Variants in ALG5 observed in about 807,000 individuals in gnomAD.
ALG5 encodes the protein dolichyl-phosphate beta-glucosyltransferase.
Under a neutral mutation model 51.8 loss-of-function variants are expected in ALG5, and 26 were observed. The observed-to-expected ratio is 0.50, with a 90% confidence interval of 0.37 to 0.70. ALG5 has a LOEUF of 0.70. Ranked by LOEUF, ALG5 falls within the 30% of genes least tolerant of loss-of-function variation. ALG5 has a pLI of 0.00. For missense variants in ALG5, 311 were observed against 399.3 expected (o/e 0.78, Z 1.88); for synonymous variants, 141 against 136.1 (o/e 1.04, Z -0.25).
intron 8 of ALG5, among the ~76,000 whole-genome samples, chr13:36,958,481 ATGGACCCC>A (rs1374690477): frequency 1.3e-5 from 2 of 152,096 alleles, no homozygotes; most frequent in African/African-American, 4.8e-5. Context: ...AAGATCTACC[ATGGACCCC>A]TGGACTGGCC....
At chr13:36,951,872 CCT>C (rs1401504449) in intron 9 of ALG5, among the ~76,000 whole-genome samples, 1 of 152,128 alleles carries the variant, frequency 6.6e-6, no homozygotes, top group African/African-American at 2.4e-5. Context: ...GCAACCTTTG[CCT>C]CTCGGGTTCA....
chr13:36,997,688 C>T (rs1486121839), intron 1 of ALG5, among the ~76,000 whole-genome samples: 1 of 151,956 alleles, frequency 6.6e-6, no homozygotes, highest in Non-Finnish European at 1.5e-5. Context: ...AAATCTGTGA[C>T]CACTTTATTG....
intron 4 of ALG5, among the ~76,000 whole-genome samples, chr13:36,990,675 A>G (rs1054284874): frequency 6.6e-6 from 1 of 152,166 alleles, no homozygotes; most frequent in Non-Finnish European, 1.5e-5. Flanking sequence ...AAACTCCAGA[A>G]TTTCATTCAT....
At chr13:36,952,681 A>C in intron 8 of ALG5, 82 bp from the exon 9 acceptor site, 2 of 760,962 alleles carry the variant, frequency 2.6e-6, no homozygotes, top group Non-Finnish European at 4.0e-6. Flanking sequence ...GTTTTAAAGA[A>C]GCTTACATGG....
intron 8 of ALG5, among the ~76,000 whole-genome samples, chr13:36,963,398 C>G (rs2138788883): frequency 6.6e-6 from 1 of 152,238 alleles, no homozygotes; most frequent in East Asian, 1.9e-4. Flanking sequence ...TATATTTCAA[C>G]AAAAATGAAA....
intron 6 of ALG5, among the ~76,000 whole-genome samples, chr13:36,981,759 A>G (rs578167192): frequency 6.6e-6 from 1 of 152,320 alleles, no homozygotes; most frequent in African/African-American, 2.4e-5. Context: ...TCTTCAGTGG[A>G]AAATTATAAG....
intron 6 of ALG5, among the ~76,000 whole-genome samples, chr13:36,977,782 A>G (rs1255886098): frequency 3.3e-5 from 3 of 92,226 alleles, no homozygotes; most frequent in African/African-American, 1.4e-4. Flanking sequence ...ACAGAGTGAG[A>G]CTGTCTCCAA....
intron 8 of ALG5, among the ~76,000 whole-genome samples, chr13:36,958,819 A>T (rs916454490): frequency 6.6e-6 from 1 of 152,170 alleles, no homozygotes; most frequent in Non-Finnish European, 1.5e-5. Flanking sequence ...CTAAAGCAGG[A>T]GGTAAAGAAA....
At chr13:36,951,822 T>C (rs2058819138) in intron 9 of ALG5, among the ~76,000 whole-genome samples, 2 of 152,338 alleles carry the variant, frequency 1.3e-5, no homozygotes, top group South Asian at 4.1e-4. Context: ...GTTTCACTCG[T>C]TGCCCAGGCG....
intron 7 of ALG5, among the ~76,000 whole-genome samples, chr13:36,971,127 C>G (rs2058920902): frequency 1.3e-5 from 2 of 152,080 alleles, no homozygotes; most frequent in Non-Finnish European, 2.9e-5. Flanking sequence ...AATTGTTACT[C>G]TAGTTTTTCT....
chr13:36,963,409 G>C (rs1007265610), intron 8 of ALG5, among the ~76,000 whole-genome samples: 6 of 152,112 alleles, frequency 3.9e-5, no homozygotes, highest in Admixed American at 3.9e-4. Context: ...AAAAATGAAA[G>C]ATCCTCAACA....
chr13:36,995,587 C>T lies in ALG5; in HGVS notation c.76G>A (p.Val26Ile), dbSNP rs544999445. 8 of 1,597,198 alleles carry T rather than the reference C, an allele frequency of 5.0e-6. No individual in the cohort carries two copies. The highest frequency in any genetic ancestry group is 2.7e-5 in the African/African-American group (2 of 73,580). The change falls in exon 2 of 10, where the codon GTT (valine) becomes ATT (isoleucine). Residue 26 changes from valine (V) to isoleucine (I), a missense_variant. Coordinates refer to ENST00000239891, the MANE Select transcript of ALG5 (RefSeq NM_013338.5). ...ATTTTTGTAGCAGTTGTAAATGCAA[C>T]GATGGAAATCTAAAAGCAGACATAC... ...AAAALVLISI[V>I]AFTTATKMPA...
chr13:36,982,906 T>C (rs957337256), intron 6 of ALG5, among the ~76,000 whole-genome samples: 1 of 152,238 alleles, frequency 6.6e-6, no homozygotes, highest in African/African-American at 2.4e-5. Flanking sequence ...TTTAAGGTGC[T>C]GTAAAACCAA....
In ALG5 at chr13:36,960,989, C is replaced by T. The variant is rs78005649; in HGVS notation, c.773+4586G>A. On this transcript the variant is annotated intron_variant, in intron 8 of 9. Transcript: ENST00000239891. ...AAATGGAAAGAATTTAGGTGAAGTA[C>T]AGCTCTGAAGATGAAGCTATATACA... 7.2e-3 allele frequency among the ~76,000 whole-genome samples: 1,088 copies of T among 152,128 alleles called. 16 individuals are homozygous for T. The highest frequency in any genetic ancestry group is 0.025 in the African/African-American group (1,045 of 41,502).
chr13:36,958,261 G>A (rs1267588633), intron 8 of ALG5, among the ~76,000 whole-genome samples: 4 of 152,030 alleles, frequency 2.6e-5, no homozygotes, highest in African/African-American at 7.3e-5. Flanking sequence ...GGAGAATGTG[G>A]CTTCCTGGAA....
intron 7 of ALG5, among the ~76,000 whole-genome samples, chr13:36,967,406 A>C (rs1238762260): frequency 6.6e-6 from 1 of 152,170 alleles, no homozygotes; most frequent in East Asian, 1.9e-4. Flanking sequence ...ATAAGGATTA[A>C]ATGAGATTAT....
intron 8 of ALG5, among the ~76,000 whole-genome samples, chr13:36,955,640 T>C (rs1441307453): frequency 7.7e-6 from 1 of 130,286 alleles, no homozygotes; most frequent in Non-Finnish European, 1.6e-5. Flanking sequence ...AGTAAGGAGG[T>C]TCCACATCTG....
Position 36,999,334 on chromosome 13 carries a change from C to T in ALG5, c.-34G>A. 1.3e-6 allele frequency: 2 copies of T among 1,542,314 alleles called. No homozygotes were observed. The highest frequency in any genetic ancestry group is 1.7e-6 in the Non-Finnish European group (2 of 1,146,720). Reference sequence around the variant, plus strand: ...CCGTGGCAGCCCGCCCAATCCCGCACCTCCACACAGGCGGAAGCGCGCCCG... The same window carrying T: ...CCGTGGCAGCCCGCCCAATCCCGCATCTCCACACAGGCGGAAGCGCGCCCG... On this transcript the variant is annotated 5_prime_UTR_variant, in exon 1 of 10. It adds an upstream start codon to the 5' untranslated region. Coordinates refer to ENST00000239891, the MANE Select transcript of ALG5 (RefSeq NM_013338.5).
At position 36,965,571 on chromosome 13, in the gene ALG5, C is replaced by G. The variant is rs1194469522; in HGVS notation, c.773+4G>C. 1 of 1,612,620 alleles carries G rather than the reference C, an allele frequency of 6.2e-7. No individual in the cohort carries two copies. The highest frequency in any genetic ancestry group is 1.1e-5 in the South Asian group (1 of 90,934). ...GACTGGATACATTCCAGTCAGAAAC[C>G]TACCATCGTTCAACGTGTAGAGATG... is the stretch of plus-strand genomic sequence containing the variant. On this transcript the variant is annotated splice_donor_region_variant and intron_variant, in intron 8 of 9. Transcript: ENST00000239891.
Sources: gnomAD v4.1 joint callset for allele counts (sites outside exome capture counted in the v4.1 genomes callset) on GRCh38, gnomAD v4.1.1 for gene constraint, MANE v1.5 for transcripts, NCBI Gene and HGNC (gene_info 2026-07-23, HGNC 2026-07-21) for gene names.